PRKCH: variants seen among roughly 807,000 people sequenced by gnomAD.
PRKCH encodes the protein protein kinase C eta type.
PRKCH carries 28 observed loss-of-function variants against 82.5 expected under a neutral mutation model. That is an observed-to-expected ratio of 0.34 (90% CI 0.25 to 0.47). The LOEUF (loss-of-function observed/expected upper bound fraction) is 0.47. Ranked by LOEUF, PRKCH falls within the 20% of genes least tolerant of loss-of-function variation. The pLI is 1.00. For missense variants in PRKCH, 705 were observed against 881.8 expected (o/e 0.80, Z 2.54); for synonymous variants, 322 against 327.4 (o/e 0.98, Z 0.18).
intron 1 of PRKCH, among the ~76,000 whole-genome samples, chr14:61,356,442 T>C (rs1469247589): frequency 6.6e-6 from 1 of 152,230 alleles, no homozygotes; most frequent in Non-Finnish European, 1.5e-5. Context: ...GATTCTCCTA[T>C]GCCAAATTTC....
chr14:61,274,973 A>G (rs1462766539), intron 1 of PRKCH, among the ~76,000 whole-genome samples: 1 of 152,242 alleles, frequency 6.6e-6, no homozygotes, highest in Non-Finnish European at 1.5e-5. Flanking sequence ...GAAATAACAG[A>G]TAAGTCTTCA....
At chr14:61,324,747 C>T (rs2045673004) in intron 1 of PRKCH, among the ~76,000 whole-genome samples, 1 of 152,170 alleles carries the variant, frequency 6.6e-6, no homozygotes, top group Admixed American at 6.5e-5. Flanking sequence ...GTGTGAGCCA[C>T]TGCATCTGGC....
At chr14:61,527,566 G>C (rs2140002672) in intron 10 of PRKCH, among the ~76,000 whole-genome samples, 1 of 152,228 alleles carries the variant, frequency 6.6e-6, no homozygotes, top group East Asian at 1.9e-4. Flanking sequence ...GACGGTTTCA[G>C]CCTCCCCCAA....
At chr14:61,254,840 T>A (rs1237274422) in intron 1 of PRKCH, among the ~76,000 whole-genome samples, 1 of 152,166 alleles carries the variant, frequency 6.6e-6, no homozygotes, top group African/African-American at 2.4e-5. Context: ...CTAGGGAGAA[T>A]CCAATTTTTC....
At chr14:61,213,190 T>C (rs1954014) in intron 1 of PRKCH, among the ~76,000 whole-genome samples, 148,284 of 152,276 alleles carry the variant, frequency 0.97, 72,286 homozygotes, top group Non-Finnish European at 1. Flanking sequence ...TGCGTGTTTG[T>C]CTGCCCTTCT....
chr14:61,545,865 G>A (rs537049922), intron 12 of PRKCH, among the ~76,000 whole-genome samples: 35 of 152,276 alleles, frequency 2.3e-4, no homozygotes, highest in Non-Finnish European at 3.8e-4. Flanking sequence ...CTTGGACACT[G>A]GGGCTTCAGC....
intron 9 of PRKCH, among the ~76,000 whole-genome samples, chr14:61,481,990 CT>C (rs35134897): frequency 0.026 from 2,604 of 101,092 alleles, 37 homozygotes; most frequent in East Asian, 0.078. Flanking sequence ...TTTCCTTTTC[CT>C]TTTTTTTTTT....
chr14:61,499,060 C>T (rs964144059), intron 10 of PRKCH, among the ~76,000 whole-genome samples: 1 of 152,070 alleles, frequency 6.6e-6, no homozygotes, highest in Non-Finnish European at 1.5e-5. Flanking sequence ...CGTTGTCATG[C>T]GTTTGGCTCA....
At chr14:61,422,833 C>T (rs1882917806) in intron 2 of PRKCH, among the ~76,000 whole-genome samples, 1 of 152,152 alleles carries the variant, frequency 6.6e-6, no homozygotes. Context: ...GTAGGCTAAT[C>T]TTATTGAGGG....
In PRKCH at chr14:61,431,007, G is replaced by A. The variant is rs955880854; in HGVS notation, c.428-12104G>A. 2.0e-5 allele frequency among the ~76,000 whole-genome samples: 3 copies of A among 152,204 alleles called. No individual in the cohort carries two copies. The East Asian group carries it at 5.8e-4, about 29-fold the overall frequency. On this transcript the variant is annotated intron_variant, in intron 2 of 13. Coordinates refer to ENST00000332981, the MANE Select transcript of PRKCH (RefSeq NM_006255.5). ...CTGACCTCGCGATCCGCCCGCCTCG[G>A]CCTCCCAAAATGCTGGGATTACAGG...
chr14:61,430,929 T>A (rs1883358369), intron 2 of PRKCH, among the ~76,000 whole-genome samples: 1 of 152,172 alleles, frequency 6.6e-6, no homozygotes, highest in African/African-American at 2.4e-5. Flanking sequence ...TAATTTTTTA[T>A]ATTTTTAGTA....
chr14:61,298,062 C>T (rs1483437236), intron 1 of PRKCH: 2 of 152,212 alleles, frequency 1.3e-5, no homozygotes, highest in African/African-American at 2.4e-5. Flanking sequence ...CCCTACATAG[C>T]ACAGCCCTTG....
intron 9 of PRKCH, among the ~76,000 whole-genome samples, chr14:61,483,203 T>C (rs760372630): frequency 1.4e-4 from 21 of 152,258 alleles, no homozygotes; most frequent in Non-Finnish European, 2.6e-4. Flanking sequence ...AGATGCAGCT[T>C]TTTGGGATGT....
chr14:61,510,362 T>G (rs1887323003), intron 10 of PRKCH, among the ~76,000 whole-genome samples: 1 of 151,906 alleles, frequency 6.6e-6, no homozygotes. Flanking sequence ...GGTCTTCTCA[T>G]AGGTCAGGCA....
intron 12 of PRKCH, chr14:61,543,343 C>T (rs1488929873): frequency 1.3e-5 from 2 of 152,148 alleles, no homozygotes; most frequent in Non-Finnish European, 2.9e-5. Context: ...CCTTGAGTAT[C>T]CTCTAGTTCA....
At chr14:61,495,625 G>C (rs562183021) in intron 10 of PRKCH, among the ~76,000 whole-genome samples, 1 of 152,310 alleles carries the variant, frequency 6.6e-6, no homozygotes, top group African/African-American at 2.4e-5. Context: ...GAAGAATAAA[G>C]ACAGGTCCTG....
Position 61,530,613 on chromosome 14 carries a change from A to G in PRKCH, c.1761+18A>G, listed in dbSNP as rs770696597. 4 of 1,575,866 alleles carry G rather than the reference A, an allele frequency of 2.5e-6. No homozygotes were observed. Among genetic ancestry groups the G allele is most frequent in the African/African-American group, 2.7e-5 (2 of 74,538 alleles). ...TAAAATCTGTAAGTTTGGCTTACCC[A>G]GCTAGCTTCTGATGTATTGCAAACC... On this transcript the variant is annotated intron_variant, in intron 12 of 13. Coordinates refer to ENST00000332981, the MANE Select transcript of PRKCH (RefSeq NM_006255.5).
intron 2 of PRKCH, among the ~76,000 whole-genome samples, chr14:61,430,835 A>T (rs1476337367): frequency 6.6e-6 from 1 of 151,972 alleles, no homozygotes; most frequent in African/African-American, 2.4e-5. Context: ...GCTCACTGCA[A>T]TCGCTGCCTC....
At chr14:61,347,503 C>T (rs542832103) in intron 1 of PRKCH, among the ~76,000 whole-genome samples, 1 of 152,242 alleles carries the variant, frequency 6.6e-6, no homozygotes, top group African/African-American at 2.4e-5. Flanking sequence ...GTTTCTGGGC[C>T]TAAGGCAATT....
Sources: gnomAD v4.1 joint callset for allele counts (sites outside exome capture counted in the v4.1 genomes callset) on GRCh38, gnomAD v4.1.1 for gene constraint, MANE v1.5 for transcripts, NCBI Gene and HGNC (gene_info 2026-07-23, HGNC 2026-07-21) for gene names.